Variants in FREM3 observed in about 807,000 individuals in gnomAD.
The protein encoded by FREM3 is FRAS1-related extracellular matrix protein 3.
A neutral mutation model predicts 129.1 loss-of-function variants in FREM3; 105 were observed. The observed-to-expected ratio is 0.81, with a 90% CI of 0.69 to 0.96. FREM3 has a LOEUF of 0.96. Ranked by LOEUF, FREM3 falls within the 40% of genes least tolerant of loss-of-function variation. FREM3 has a pLI of 0.00. For missense variants in FREM3, 2,593 were observed against 2,666.3 expected (o/e 0.97, Z 0.61); for synonymous variants, 1,014 against 1,044.9 (o/e 0.97, Z 0.57).
intron 2 of FREM3, among the ~76,000 whole-genome samples, chr4:143,666,380 T>G (rs1039852407): frequency 1.3e-5 from 2 of 152,080 alleles, no homozygotes; most frequent in African/African-American, 4.8e-5. Context: ...AATTCTACAC[T>G]TAGGTATATA....
intron 6 of FREM3, among the ~76,000 whole-genome samples, chr4:143,606,446 T>C (rs899243516): frequency 6.6e-6 from 1 of 152,066 alleles, no homozygotes; most frequent in Non-Finnish European, 1.5e-5. Context: ...CTTTGGTGAC[T>C]GGTGATTTCC....
At chr4:143,679,381 C>A (rs1439739635) in intron 2 of FREM3, among the ~76,000 whole-genome samples, 1 of 152,064 alleles carries the variant, frequency 6.6e-6, no homozygotes, top group African/African-American at 2.4e-5. Context: ...TAGAAAAGAG[C>A]AATTTGTAGT....
intron 2 of FREM3, among the ~76,000 whole-genome samples, chr4:143,667,475 C>T (rs761275505): frequency 9.2e-5 from 14 of 152,120 alleles, no homozygotes; most frequent in Non-Finnish European, 1.5e-4. Context: ...CTCAAATAAT[C>T]GTTGAACTCC....
At chr4:143,616,552 C>A (rs192889054) in intron 5 of FREM3, among the ~76,000 whole-genome samples, 1 of 151,926 alleles carries the variant, frequency 6.6e-6, no homozygotes, top group Non-Finnish European at 1.5e-5. Flanking sequence ...TTTGGGAGGC[C>A]GAGGCGGACG....
chr4:143,580,707 C>G (rs6842621), intron 7 of FREM3, among the ~76,000 whole-genome samples: 116,614 of 152,126 alleles, frequency 0.77, 44,715 homozygotes, highest in East Asian at 0.86. Context: ...AGGCTGGTAG[C>G]AGCCCTGCAC....
intron 7 of FREM3, among the ~76,000 whole-genome samples, chr4:143,584,740 A>C (rs1738208904): frequency 6.6e-6 from 1 of 152,184 alleles, no homozygotes; most frequent in African/African-American, 2.4e-5. Flanking sequence ...AAAGTAATGA[A>C]GATATTTGGG....
At chr4:143,641,155 C>A (rs754385063) in intron 2 of FREM3, among the ~76,000 whole-genome samples, 1 of 152,004 alleles carries the variant, frequency 6.6e-6, no homozygotes, top group Non-Finnish European at 1.5e-5. Context: ...GTGTAAAAGC[C>A]AGAAACACTT....
chr4:143,674,718 CA>C (rs1019152698), intron 2 of FREM3, among the ~76,000 whole-genome samples: 1 of 151,244 alleles, frequency 6.6e-6, no homozygotes, highest in African/African-American at 2.4e-5. Flanking sequence ...AAATGGAAAA[CA>C]AAAAAAAGCA....
rs61736781 is a variant in FREM3 at position 143,696,314 on chromosome 4, G to T, written c.4362C>A (p.Ile1454=). Residue 1454 remains isoleucine (I), a synonymous_variant, in exon 1 of 8, where the codon ATC becomes ATA. Transcript: ENST00000329798. ...TAAAGTGATGTTCATCAGAGCTGTT[G>T]ATGTCACTGTTGGTAAGCAGATTGT... ...LTNNLLTNSD[I]NSSDEHHFSI... 19 of 1,537,358 alleles carry T rather than the reference G, an allele frequency of 1.2e-5. No homozygotes were observed. Among genetic ancestry groups the T allele is most frequent in the African/African-American group, 4.1e-5 (3 of 73,022 alleles).
In FREM3 at chr4:143,595,625, T is replaced by C. The variant is rs555312922; in HGVS notation, c.6029-9632A>G. Reference sequence around the variant, plus strand: ...GAAGGGAGCCGGGCACCGTGGCTCTTGCCTGTAATCCCAGCACTTTGGGAG... The same window carrying C: ...GAAGGGAGCCGGGCACCGTGGCTCTCGCCTGTAATCCCAGCACTTTGGGAG... On this transcript the variant is annotated intron_variant, in intron 6 of 7. Coordinates refer to ENST00000329798, the MANE Select transcript of FREM3 (RefSeq NM_001168235.2). Among the ~76,000 whole-genome samples, 460 of 152,272 alleles carry C rather than the reference T, an allele frequency of 3.0e-3. 3 individuals are homozygous for C. Among genetic ancestry groups the C allele is most frequent in the African/African-American group, 7.9e-3 (328 of 41,564 alleles).
At chr4:143,603,100 T>C (rs1454522365) in intron 6 of FREM3, among the ~76,000 whole-genome samples, 13 of 152,166 alleles carry the variant, frequency 8.5e-5, no homozygotes, top group Admixed American at 7.9e-4. Flanking sequence ...ACTTTGATTT[T>C]CACTGTAATT....
At chr4:143,589,228 G>A (rs1738305884) in intron 6 of FREM3, among the ~76,000 whole-genome samples, 1 of 152,206 alleles carries the variant, frequency 6.6e-6, no homozygotes, top group Non-Finnish European at 1.5e-5. Flanking sequence ...TTGCTGTGCA[G>A]AAGTTCTTTA....
intron 2 of FREM3, among the ~76,000 whole-genome samples, chr4:143,658,290 T>C (rs1429512540): frequency 2.0e-5 from 3 of 151,990 alleles, no homozygotes; most frequent in Non-Finnish European, 4.4e-5. Flanking sequence ...TTAGTCCCCT[T>C]ATAAAAGAGA....
intron 2 of FREM3, among the ~76,000 whole-genome samples, chr4:143,679,765 G>A (rs1740218078): frequency 6.6e-6 from 1 of 152,066 alleles, no homozygotes; most frequent in Admixed American, 6.6e-5. Context: ...CTTATAGCTT[G>A]TCCAGGGCGA....
intron 5 of FREM3, among the ~76,000 whole-genome samples, chr4:143,614,030 T>A (rs1467633835): frequency 1.3e-5 from 2 of 152,242 alleles, no homozygotes; most frequent in African/African-American, 4.8e-5. Context: ...GACATAGATA[T>A]GACATTCAAG....
In FREM3 at chr4:143,698,638, G is replaced by A. The variant is rs1423301669; in HGVS notation, c.2038C>T (p.His680Tyr). 2.0e-6 allele frequency: 3 copies of A among 1,537,700 alleles called. No homozygotes were observed. Among genetic ancestry groups the A allele is most frequent in the African/African-American group, 2.7e-5 (2 of 73,020 alleles). Residue 680 changes from histidine to tyrosine, a missense_variant, in exon 1 of 8, where the codon CAT becomes TAT. His to Tyr is a moderately conservative substitution (Grantham distance 83, BLOSUM62 2). Transcript: ENST00000329798. ...TGTTTGGAGAGATTGGGTGGGTCAT[G>A]GTCATCCTGCACATGGAAAGCCAGC... is the stretch of plus-strand genomic sequence containing the variant. ...VQLAFHVQDDHDPPNLSKQHI... is the reference protein window; with the variant it reads ...VQLAFHVQDDYDPPNLSKQHI...
intron 2 of FREM3, among the ~76,000 whole-genome samples, chr4:143,654,559 C>T (rs1739566255): frequency 6.6e-6 from 1 of 152,180 alleles, no homozygotes; most frequent in Non-Finnish European, 1.5e-5. Context: ...TCACCAAATT[C>T]TCCGGGGAAA....
chr4:143,632,313 T>C (rs1447036291), intron 2 of FREM3, among the ~76,000 whole-genome samples: 1 of 152,104 alleles, frequency 6.6e-6, no homozygotes, highest in Non-Finnish European at 1.5e-5. Flanking sequence ...GATAGTTGGA[T>C]AAAGCATAAC....
In FREM3 at chr4:143,698,699, A is replaced by G; in HGVS notation, c.1977T>C (p.His659=). 1 of 1,537,408 alleles carries G rather than the reference A, an allele frequency of 6.5e-7. No homozygotes were observed. Among genetic ancestry groups the G allele is most frequent in the Non-Finnish European group, 8.7e-7 (1 of 1,146,956 alleles). The change falls in exon 1 of 8, where the codon CAT becomes CAC. Residue 659 remains histidine (H), a synonymous_variant. Coordinates refer to ENST00000329798, the MANE Select transcript of FREM3 (RefSeq NM_001168235.2). ...CAGATTGAGGGCTGTGTGGTCCAAGATGGCGGTAGAAGAGTCTCCCTTCCA... is the reference window on the plus strand; with the variant it reads ...CAGATTGAGGGCTGTGTGGTCCAAGGTGGCGGTAGAAGAGTCTCCCTTCCA... ...DIMEGRLFYR[H]LGPHSPQSVM...
Sources: gnomAD v4.1 joint callset for allele counts (sites outside exome capture counted in the v4.1 genomes callset) on GRCh38, gnomAD v4.1.1 for gene constraint, MANE v1.5 for transcripts, NCBI Gene and HGNC (gene_info 2026-07-23, HGNC 2026-07-21) for gene names.